Variants in PCBP3 observed in about 807,000 individuals in gnomAD.
The protein encoded by PCBP3 is poly(rC) binding protein 3, also known as poly(rC)-binding protein 3.
Under a neutral mutation model 52.7 loss-of-function variants are expected in PCBP3, and 25 were observed. That is an observed-to-expected ratio of 0.47 (90% CI 0.35 to 0.66). The LOEUF (loss-of-function observed/expected upper bound fraction) is 0.66. Ranked by LOEUF, PCBP3 falls within the 30% of genes least tolerant of loss-of-function variation. PCBP3 has a pLI of 0.01. For missense variants in PCBP3, 391 were observed against 490.3 expected, an observed-to-expected ratio of 0.80 and a Z score of 1.91; for synonymous variants, 162 against 183.0, an observed-to-expected ratio of 0.89 and a Z score of 0.93.
At chr21:45,775,031 A>T (rs1230510481) in intron 4 of PCBP3, among the ~76,000 whole-genome samples, 1 of 152,156 alleles carries the variant, frequency 6.6e-6, no homozygotes, top group Non-Finnish European at 1.5e-5. Context: ...TTGTAGAATG[A>T]ATTAGGAAGA....
At chr21:45,905,504 C>T (rs766694976) in intron 9 of PCBP3, among the ~76,000 whole-genome samples, 16 of 152,268 alleles carry the variant, frequency 1.1e-4, no homozygotes, top group Non-Finnish European at 1.9e-4. Context: ...AGCGGCAGCA[C>T]ACTGTCCCAG....
intron 5 of PCBP3, chr21:45,869,359 G>A (rs1023324319): frequency 2.0e-5 from 3 of 152,274 alleles, no homozygotes; most frequent in African/African-American, 7.2e-5. Context: ...CCCCCCATCA[G>A]GCTGCCCCAC....
intron 1 of PCBP3, among the ~76,000 whole-genome samples, chr21:45,666,677 G>A (rs1462767266): frequency 1.3e-5 from 2 of 151,206 alleles, no homozygotes; most frequent in African/African-American, 4.9e-5. Flanking sequence ...TTATCCTACA[G>A]CCTTCTAGTT....
chr21:45,834,384 G>T (rs1312199488), intron 4 of PCBP3, among the ~76,000 whole-genome samples: 1 of 152,214 alleles, frequency 6.6e-6, no homozygotes, highest in Non-Finnish European at 1.5e-5. Context: ...ACCGAAATTT[G>T]TGATTAGCTA....
chr21:45,740,226 G>T (rs1236255681), intron 3 of PCBP3, among the ~76,000 whole-genome samples: 1 of 152,170 alleles, frequency 6.6e-6, no homozygotes, highest in Non-Finnish European at 1.5e-5. Context: ...CTCGCTGTTA[G>T]CTCAGGACAA....
At chr21:45,900,975 G>C (rs766696470) in intron 8 of PCBP3, 22 bp from the exon 9 acceptor site, 2 of 1,574,356 alleles carry the variant, frequency 1.3e-6, no homozygotes, top group Non-Finnish European at 1.7e-6. Flanking sequence ...AGGTCGCTGG[G>C]GTTTCTCTGC....
chr21:45,648,291 G>A (rs2079452636), intron 1 of PCBP3, among the ~76,000 whole-genome samples: 1 of 152,228 alleles, frequency 6.6e-6, no homozygotes, highest in South Asian at 2.1e-4. Context: ...ACAAAATTAA[G>A]GAGGGAATAA....
intron 2 of PCBP3, among the ~76,000 whole-genome samples, chr21:45,707,196 C>T (rs1312027863): frequency 2.6e-5 from 4 of 152,110 alleles, no homozygotes; most frequent in Non-Finnish European, 2.9e-5. Context: ...GAAACTTTAG[C>T]GTGCACGAGT....
intron 4 of PCBP3, among the ~76,000 whole-genome samples, chr21:45,810,341 G>A (rs546714574): frequency 1.3e-3 from 193 of 151,808 alleles, no homozygotes; most frequent in African/African-American, 4.6e-3. Flanking sequence ...CTGTGCTCAA[G>A]CAGTCTTCAC....
At chr21:45,874,416 A>C (rs1045498742) in intron 5 of PCBP3, among the ~76,000 whole-genome samples, 1 of 151,876 alleles carries the variant, frequency 6.6e-6, no homozygotes, top group Admixed American at 6.6e-5. Flanking sequence ...TAATTTCTAC[A>C]TAGAGGTTTC....
intron 4 of PCBP3, among the ~76,000 whole-genome samples, chr21:45,769,541 C>T (rs768948664): frequency 7.9e-5 from 12 of 152,252 alleles, no homozygotes; most frequent in Non-Finnish European, 1.5e-4. Context: ...TTCTTAGAAC[C>T]GCCTATCCAG....
intron 2 of PCBP3, among the ~76,000 whole-genome samples, chr21:45,695,372 G>A (rs554685605): frequency 1.3e-5 from 2 of 152,256 alleles, no homozygotes; most frequent in South Asian, 4.1e-4. Context: ...CAGCCAGTGG[G>A]CAGTTTCTTA....
At chr21:45,649,755 A>T (rs2079555996) in intron 1 of PCBP3, among the ~76,000 whole-genome samples, 1 of 152,072 alleles carries the variant, frequency 6.6e-6, no homozygotes, top group Non-Finnish European at 1.5e-5. Context: ...TTTTTCATTT[A>T]AAAGAAATGC....
intron 2 of PCBP3, among the ~76,000 whole-genome samples, chr21:45,669,277 T>G (rs995076899): frequency 2.0e-5 from 3 of 152,180 alleles, no homozygotes; most frequent in African/African-American, 7.2e-5. Flanking sequence ...ACCAATTCTT[T>G]CTTCAGCAGC....
At chr21:45,766,200 G>A (rs1427509297) in intron 4 of PCBP3, among the ~76,000 whole-genome samples, 2 of 152,212 alleles carry the variant, frequency 1.3e-5, no homozygotes, top group East Asian at 1.9e-4. Flanking sequence ...CCGCTGGAGT[G>A]GCTGGCCACG....
rs147985084 is a variant in PCBP3, at chr21:45,740,807, G to A, written c.-162+5378G>A. Among the ~76,000 whole-genome samples the A allele has an allele frequency of 1.3e-3, 204 of 152,262 alleles. 2 individuals are homozygous for A. The highest frequency in any genetic ancestry group is 4.4e-3 in the African/African-American group (184 of 41,556). ...CATCTGTTATATGTGTGTGTGTTGA[G>A]GGGACTGAGAAGTGAGTTTCTTGTG... On this transcript the variant is annotated intron_variant, in intron 3 of 17. Coordinates refer to ENST00000681687, the MANE Select transcript of PCBP3 (RefSeq NM_001384156.1).
intron 2 of PCBP3, among the ~76,000 whole-genome samples, chr21:45,676,240 G>A (rs1309422540): frequency 3.3e-5 from 5 of 152,182 alleles, no homozygotes; most frequent in South Asian, 2.1e-4. Context: ...TTAACTGCCT[G>A]TGTTTGTTGC....
intron 5 of PCBP3, among the ~76,000 whole-genome samples, chr21:45,895,063 T>G (rs1468007058): frequency 6.6e-6 from 1 of 152,214 alleles, no homozygotes; most frequent in Non-Finnish European, 1.5e-5. Context: ...CGTGTCACTT[T>G]GTCAGTGCAG....
intron 4 of PCBP3, among the ~76,000 whole-genome samples, chr21:45,840,180 C>T (rs554923303): frequency 6.6e-5 from 10 of 151,562 alleles, no homozygotes; most frequent in Admixed American, 3.9e-4. Context: ...AGGCTGGGCA[C>T]GGTGGCTCAC....
Sources: allele counts gnomAD v4.1 joint callset (sites outside exome capture counted in the v4.1 genomes callset), GRCh38; gene constraint gnomAD v4.1.1; transcripts MANE v1.5; gene names NCBI Gene and HGNC (gene_info 2026-07-23, HGNC 2026-07-21).